Variants in PCCA observed in about 807,000 individuals in gnomAD.
The protein encoded by PCCA is propionyl-CoA carboxylase subunit alpha, also known as propionyl-CoA carboxylase alpha chain, mitochondrial.
A neutral mutation model predicts 101.3 loss-of-function variants in PCCA; 74 were observed. That is an observed-to-expected ratio of 0.73 (90% CI 0.61 to 0.89). The LOEUF is 0.89. Ranked by LOEUF, PCCA falls within the 40% of genes least tolerant of loss-of-function variation. PCCA has a pLI of 0.00. For missense variants in PCCA, 891 were observed against 907.0 expected (o/e 0.98, Z 0.23); for synonymous variants, 294 against 313.6 (o/e 0.94, Z 0.66).
chr13:100,205,538 C>CTTTTTT (rs3034652), intron 6 of PCCA, among the ~76,000 whole-genome samples: 9 of 112,118 alleles, frequency 8.0e-5, no homozygotes, highest in East Asian at 5.4e-4. Context: ...TTGATATAAG[C>CTTTTTT]TTTTTTTTTT....
intron 12 of PCCA, among the ~76,000 whole-genome samples, chr13:100,285,925 C>T (rs2064595767): frequency 6.6e-6 from 1 of 152,192 alleles, no homozygotes; most frequent in South Asian, 2.1e-4. Context: ...CCCCAGAGAC[C>T]AGTGCCCAGT....
chr13:100,410,796 A>G (rs1484670455), intron 19 of PCCA, among the ~76,000 whole-genome samples: 2 of 151,890 alleles, frequency 1.3e-5, no homozygotes, highest in Non-Finnish European at 2.9e-5. Context: ...TTCTTATTAA[A>G]TTTTGCATTA....
chr13:100,233,010 T>C (rs1050590478), intron 7 of PCCA, among the ~76,000 whole-genome samples: 4 of 152,220 alleles, frequency 2.6e-5, no homozygotes, highest in Non-Finnish European at 5.9e-5. Context: ...AGTCCTTTGT[T>C]GAAGGCTTAC....
chr13:100,286,747 CT>C (rs547082648), intron 12 of PCCA, among the ~76,000 whole-genome samples: 3,623 of 137,434 alleles, frequency 0.026, 109 homozygotes, highest in African/African-American at 0.076. Flanking sequence ...GAGGAGAAAC[CT>C]TTTTTTTTTT....
intron 12 of PCCA, among the ~76,000 whole-genome samples, chr13:100,284,742 T>A (rs1169543023): frequency 6.6e-6 from 1 of 152,196 alleles, no homozygotes; most frequent in Non-Finnish European, 1.5e-5. Context: ...TCTTCTATAT[T>A]TCCCTGCACT....
chr13:100,268,592 T>C, intron 10 of PCCA, 97 bp from the exon 11 acceptor site: 1 of 850,754 alleles, frequency 1.2e-6, no homozygotes, highest in Non-Finnish European at 2.1e-6. Flanking sequence ...GAAGTTTGAA[T>C]ATTAAAAACC....
chr13:100,286,111 G>A (rs987866026), intron 12 of PCCA, among the ~76,000 whole-genome samples: 2 of 152,146 alleles, frequency 1.3e-5, no homozygotes, highest in Non-Finnish European at 2.9e-5. Flanking sequence ...CATTAACTAC[G>A]CTGCCTCATG....
intron 22 of PCCA, among the ~76,000 whole-genome samples, chr13:100,516,849 G>A (rs1204754716): frequency 1.3e-5 from 2 of 151,292 alleles, no homozygotes; most frequent in African/African-American, 2.4e-5. Context: ...ATTAAGAATC[G>A]TTCACTTGCA....
At chr13:100,527,818 G>T (rs765198980) in intron 23 of PCCA, 66 bp downstream of exon 23, 9 of 1,213,696 alleles carry the variant, frequency 7.4e-6, no homozygotes, top group Non-Finnish European at 1.1e-5. Context: ...CCTTTGAATC[G>T]TGGGTGGTTT....
rs374264425 is a variant in PCCA, at chr13:100,326,551, G to A, written c.1430-4010G>A. On this transcript the variant is annotated intron_variant, in intron 16 of 23. Transcript: ENST00000376285. ...TTTAGAGAAATGAAAAAGCAAAAAA[G>A]GCAGACAAAAATTACAAAGTATATT... is the stretch of plus-strand genomic sequence containing the variant. Among the ~76,000 whole-genome samples the A allele has an allele frequency of 9.8e-4, 149 of 152,106 alleles. 4 individuals carry two copies. In the South Asian group the frequency reaches 0.028, roughly 29 times the overall value.
chr13:100,450,369 G>A lies in PCCA; in HGVS notation c.1899+1064G>A, dbSNP rs1477060381. On this transcript the variant is annotated intron_variant, in intron 21 of 23. Transcript: ENST00000376285. ...CGATTGTGCCACTGCCCTCTAGCTT[G>A]TGTGACAGAGCGAGACCCCGTCTCA... is the stretch of plus-strand genomic sequence containing the variant. Among the ~76,000 whole-genome samples, 3 of 151,392 alleles carry A rather than the reference G, an allele frequency of 2.0e-5. No homozygotes were observed. The East Asian group carries it at 5.8e-4, about 29-fold the overall frequency.
At chr13:100,204,605 A>G (rs1319341299) in intron 6 of PCCA, among the ~76,000 whole-genome samples, 1 of 152,244 alleles carries the variant, frequency 6.6e-6, no homozygotes, top group Admixed American at 6.5e-5. Context: ...TAATTTTTAC[A>G]ATGATTCTTT....
At chr13:100,521,513 T>G (rs978395696) in intron 22 of PCCA, among the ~76,000 whole-genome samples, 5 of 152,206 alleles carry the variant, frequency 3.3e-5, no homozygotes, top group East Asian at 1.9e-4. Context: ...TCCCGTGGCC[T>G]CCTCCCCGTC....
Position 100,095,778 on chromosome 13 carries a change from C to T in PCCA, c.105+6553C>T, listed in dbSNP as rs183043015. Among the ~76,000 whole-genome samples, 8 of 152,068 alleles carry T rather than the reference C, an allele frequency of 5.3e-5. No homozygotes were observed. The East Asian group carries it at 1.2e-3, about 22-fold the overall frequency. On this transcript the variant is annotated intron_variant, in intron 1 of 23. Coordinates refer to ENST00000376285, the MANE Select transcript of PCCA (RefSeq NM_000282.4). ...AGATGAGGGAGGAGGAGTGGGTAGG[C>T]GGGACAGAGTCATCAGGGGCTTGTA... is the stretch of plus-strand genomic sequence containing the variant.
At position 100,298,720 on chromosome 13, in the gene PCCA, TTCCTTCCTTCCTTCCTTCCTTCCG is replaced by T. The variant is rs1566891375; in HGVS notation, c.1066-2728_1066-2705del. On this transcript the variant is annotated intron_variant, in intron 12 of 23. Transcript: ENST00000376285. Reference sequence around the variant, plus strand: ...CTTCCTTCCTTCCTTCCTTCCTTCCTTCCTTCCTTCCTTCCTTCCTTCCGTCCTTCCTTCCGTCCTTTTGTTCCT... The same window carrying T: ...CTTCCTTCCTTCCTTCCTTCCTTCCTTCCTTCCTTCCGTCCTTTTGTTCCT... 1.2e-3 allele frequency among the ~76,000 whole-genome samples: 117 copies of T among 100,178 alleles called. 1 individual carries two copies. Among genetic ancestry groups the T allele is most frequent in the Non-Finnish European group, 1.5e-3 (70 of 47,292 alleles). 65.7% of individuals were successfully genotyped at this position (100,178 alleles called of 152,430 possible). A position where few individuals can be genotyped will look rare whatever the true frequency, so the allele number is the denominator to read the frequency against.
chr13:100,475,627 C>A (rs188434151), intron 21 of PCCA, among the ~76,000 whole-genome samples: 112 of 152,100 alleles, frequency 7.4e-4, no homozygotes, highest in African/African-American at 2.6e-3. Flanking sequence ...GTTTTTGGGG[C>A]GACAAGGTTT....
intron 1 of PCCA, among the ~76,000 whole-genome samples, chr13:100,093,932 C>G (rs375298769): frequency 1.6e-4 from 25 of 151,626 alleles, no homozygotes; most frequent in African/African-American, 2.7e-4. Flanking sequence ...CAGCAAGACC[C>G]TGTCTCAAAA....
chr13:100,242,368 A>G (rs1330306651), intron 8 of PCCA, among the ~76,000 whole-genome samples: 1 of 152,230 alleles, frequency 6.6e-6, no homozygotes, highest in African/African-American at 2.4e-5. Flanking sequence ...ATGCACCAGG[A>G]AACATGGCCC....
At chr13:100,449,782 G>T (rs1049538545) in intron 21 of PCCA, among the ~76,000 whole-genome samples, 2 of 152,114 alleles carry the variant, frequency 1.3e-5, no homozygotes, top group East Asian at 1.9e-4. Flanking sequence ...AGCCATGTCC[G>T]GCCTGGAATT....
Sources: allele counts gnomAD v4.1 joint callset (sites outside exome capture counted in the v4.1 genomes callset), GRCh38; gene constraint gnomAD v4.1.1; transcripts MANE v1.5; gene names NCBI Gene and HGNC (gene_info 2026-07-23, HGNC 2026-07-21).